AOPEP: variants seen among roughly 807,000 people sequenced by gnomAD.
AOPEP encodes aminopeptidase O (putative).
AOPEP carries 77 observed loss-of-function variants against 98.1 expected under a neutral mutation model. The observed-to-expected ratio is 0.78, with a 90% CI of 0.65 to 0.95. The LOEUF (loss-of-function observed/expected upper bound fraction) is 0.95. Ranked by LOEUF, AOPEP falls within the 40% of genes least tolerant of loss-of-function variation. The pLI, the probability that AOPEP is intolerant of heterozygous loss-of-function variation, is 0.00. For missense variants in AOPEP, 1,024 were observed against 1,024.7 expected (o/e 1.00, Z 0.01); for synonymous variants, 346 against 365.3 (o/e 0.95, Z 0.60).
chr9:94,894,999 A>G (rs2049301999), intron 5 of AOPEP, among the ~76,000 whole-genome samples: 1 of 152,132 alleles, frequency 6.6e-6, no homozygotes, highest in Non-Finnish European at 1.5e-5. Context: ...ACTTCTAGAG[A>G]AAATAGGACG....
At chr9:95,098,930 T>TAAGCC in the AOPEP span, 94 of 171,838 alleles carry the variant, frequency 5.5e-4, 1 homozygote, top group Non-Finnish European at 9.5e-4. Context: ...GCCCAGAGGC[T>TAAGCC]AAGCCATCCT....
intron 1 of AOPEP, among the ~76,000 whole-genome samples, chr9:94,755,557 G>T (rs1293841665): frequency 1.3e-5 from 2 of 152,124 alleles, no homozygotes; most frequent in Admixed American, 6.5e-5. Context: ...GAATCTTCTG[G>T]GGCTGGCTTA....
chr9:95,134,910 G>T, the AOPEP span, among the ~76,000 whole-genome samples: 3 of 152,258 alleles, frequency 2.0e-5, no homozygotes, highest in South Asian at 6.2e-4. Flanking sequence ...AGCTGGTTCT[G>T]CTGCTTTAAC....
chr9:94,740,563 G>A (rs899748637), intron 1 of AOPEP, among the ~76,000 whole-genome samples: 11 of 152,282 alleles, frequency 7.2e-5, no homozygotes, highest in South Asian at 2.1e-4. Flanking sequence ...TAGAAAGAAT[G>A]GTAAAGTGGC....
At chr9:94,948,011 A>G (rs1052494359) in intron 7 of AOPEP, among the ~76,000 whole-genome samples, 8 of 152,238 alleles carry the variant, frequency 5.3e-5, no homozygotes, top group African/African-American at 1.9e-4. Flanking sequence ...TTTACAGAAA[A>G]TTAAATATAC....
chr9:95,128,098 T>C, the AOPEP span, among the ~76,000 whole-genome samples: 2 of 152,222 alleles, frequency 1.3e-5, no homozygotes, highest in Non-Finnish European at 2.9e-5. Flanking sequence ...GGTTATTTCG[T>C]GGCTTCGAAC....
At chr9:94,809,587 C>T (rs964586042) in intron 5 of AOPEP, among the ~76,000 whole-genome samples, 2 of 152,248 alleles carry the variant, frequency 1.3e-5, no homozygotes, top group African/African-American at 4.8e-5. Flanking sequence ...CTTTGCTTTA[C>T]AGCAGTGAGG....
At chr9:95,031,909 C>T (rs2064342178) in intron 13 of AOPEP, among the ~76,000 whole-genome samples, 1 of 152,126 alleles carries the variant, frequency 6.6e-6, no homozygotes, top group Admixed American at 6.5e-5. Context: ...GTTGCAGAGC[C>T]CCCGCCTCTT....
intron 13 of AOPEP, among the ~76,000 whole-genome samples, chr9:95,031,904 A>C (rs367679567): frequency 6.6e-6 from 1 of 152,200 alleles, no homozygotes; most frequent in Non-Finnish European, 1.5e-5. Flanking sequence ...TTGATGTTGC[A>C]GAGCCCCCGC....
At chr9:94,890,203 G>T (rs577382664) in intron 5 of AOPEP, among the ~76,000 whole-genome samples, 89 of 149,094 alleles carry the variant, frequency 6.0e-4, no homozygotes, top group Middle Eastern at 3.5e-3. Flanking sequence ...AATTTTTGTG[G>T]TTTTTTTGTT....
the AOPEP span, chr9:95,107,075 G>A: frequency 2.5e-6 from 4 of 1,614,184 alleles, no homozygotes; most frequent in Non-Finnish European, 3.4e-6. Context: ...CCAGGGTGAT[G>A]ACATCCCAGG....
chr9:95,095,049 G>A, the AOPEP span, among the ~76,000 whole-genome samples: 1 of 152,260 alleles, frequency 6.6e-6, no homozygotes, highest in Non-Finnish European at 1.5e-5. Flanking sequence ...GTCCAGGAGA[G>A]TGCTGCCAGG....
intron 5 of AOPEP, among the ~76,000 whole-genome samples, chr9:94,880,263 C>T (rs1022938493): frequency 2.0e-5 from 3 of 152,122 alleles, no homozygotes; most frequent in South Asian, 2.1e-4. Flanking sequence ...GTTCATCTAA[C>T]TGGAGTCCCA....
intron 15 of AOPEP, among the ~76,000 whole-genome samples, chr9:95,082,149 C>T (rs759439670): frequency 7.2e-5 from 11 of 152,028 alleles, no homozygotes; most frequent in Admixed American, 2.6e-4. Flanking sequence ...AAGGACTTCC[C>T]GGATGAGCTC....
At chr9:95,120,395 G>A in the AOPEP span, among the ~76,000 whole-genome samples, 1 of 151,130 alleles carries the variant, frequency 6.6e-6, no homozygotes, top group East Asian at 1.9e-4. Context: ...TCACTGTCTT[G>A]ATTACAATGG....
chr9:94,853,283 A>G (rs1322383617), intron 5 of AOPEP, among the ~76,000 whole-genome samples: 1 of 152,172 alleles, frequency 6.6e-6, no homozygotes, highest in Non-Finnish European at 1.5e-5. Context: ...AACATGGTGA[A>G]ACCCTATCTC....
At chr9:94,881,038 T>C (rs184995565) in intron 5 of AOPEP, among the ~76,000 whole-genome samples, 1 of 152,314 alleles carries the variant, frequency 6.6e-6, no homozygotes, top group Non-Finnish European at 1.5e-5. Flanking sequence ...AAGTAGGTTT[T>C]AGATGGAGTA....
intron 3 of AOPEP, among the ~76,000 whole-genome samples, chr9:94,777,330 G>A (rs536560315): frequency 6.6e-6 from 1 of 151,964 alleles, no homozygotes; most frequent in South Asian, 2.1e-4. Flanking sequence ...TACTCCGGAG[G>A]CTGAGGCAGG....
At chr9:95,040,622 C>T (rs928774164) in intron 13 of AOPEP, among the ~76,000 whole-genome samples, 2 of 152,228 alleles carry the variant, frequency 1.3e-5, no homozygotes, top group African/African-American at 4.8e-5. Flanking sequence ...CCCTCCCCTC[C>T]TCTATGTCTT....
Sources: allele counts gnomAD v4.1 joint callset (sites outside exome capture counted in the v4.1 genomes callset), GRCh38; gene constraint gnomAD v4.1.1; transcripts MANE v1.5; gene names NCBI Gene and HGNC (gene_info 2026-07-23, HGNC 2026-07-21).